The following TAOK1 variants were observed in gnomAD, a reference collection of about 807,000 sequenced individuals.
TAOK1 encodes the protein serine/threonine-protein kinase TAO1.
A neutral mutation model predicts 138.3 loss-of-function variants in TAOK1; 21 were observed. The observed-to-expected ratio is 0.15, with a 90% CI of 0.11 to 0.22. The LOEUF (loss-of-function observed/expected upper bound fraction) is 0.22. Among genes scored for constraint, TAOK1 ranks in the 10% least tolerant of loss-of-function variants. The pLI is 1.00. For synonymous variants in TAOK1, 361 were observed against 398.4 expected, an observed-to-expected ratio of 0.91 and a Z score of 1.12; for missense variants, 651 against 1,227.7, an observed-to-expected ratio of 0.53 and a Z score of 7.02.
intron 16 of TAOK1, among the ~76,000 whole-genome samples, chr17:29,519,953 G>A (rs2031886020): frequency 6.6e-6 from 1 of 151,954 alleles, no homozygotes; most frequent in Non-Finnish European, 1.5e-5. Flanking sequence ...GCTCTCACCT[G>A]TAATCCTTGA....
intron 1 of TAOK1, among the ~76,000 whole-genome samples, chr17:29,416,456 A>T (rs1905267157): frequency 2.0e-5 from 3 of 152,038 alleles, no homozygotes; most frequent in African/African-American, 4.8e-5. Context: ...AGACTTCTCA[A>T]AGAGAAGTCT....
chr17:29,534,086 C>A, intron 18 of TAOK1, 32 bp from the exon 19 acceptor site: 1 of 1,454,982 alleles, frequency 6.9e-7, no homozygotes, highest in Non-Finnish European at 9.3e-7. Context: ...TAGGATATAT[C>A]TTTTTTTTTT....
chr17:29,445,132 T>C (rs2030043892), intron 1 of TAOK1, among the ~76,000 whole-genome samples: 1 of 152,234 alleles, frequency 6.6e-6, no homozygotes, highest in Non-Finnish European at 1.5e-5. Flanking sequence ...CTTTTAATTT[T>C]TGTGGGTACA....
chr17:29,409,333 A>ATATTTTTT (rs1348702470), intron 1 of TAOK1, among the ~76,000 whole-genome samples: 3 of 59,056 alleles, frequency 5.1e-5, no homozygotes, highest in African/African-American at 2.0e-4. Context: ...ATATATATAT[A>ATATTTTTT]TTTTTTTTTT....
intron 19 of TAOK1, among the ~76,000 whole-genome samples, chr17:29,536,556 C>T (rs1394062122): frequency 4.0e-5 from 6 of 150,570 alleles, no homozygotes; most frequent in South Asian, 2.1e-4. Flanking sequence ...TCCAAGATCA[C>T]GCCACTGCAC....
At chr17:29,394,150 G>GTTTTGTT (rs1904514488) in intron 1 of TAOK1, among the ~76,000 whole-genome samples, 20 of 48,250 alleles carry the variant, frequency 4.1e-4, no homozygotes, top group Non-Finnish European at 5.8e-4. Flanking sequence ...TAATTTGCCA[G>GTTTTGTT]TTTTTTTTTT....
At chr17:29,518,847 A>G (rs1303116544) in intron 16 of TAOK1, among the ~76,000 whole-genome samples, 1 of 151,740 alleles carries the variant, frequency 6.6e-6, no homozygotes, top group Non-Finnish European at 1.5e-5. Flanking sequence ...GCTCATTGCA[A>G]CCTCCGCCTC....
chr17:29,451,724 T>A (rs1407034025), intron 2 of TAOK1, 44 bp downstream of exon 2: 1 of 1,594,518 alleles, frequency 6.3e-7, no homozygotes, highest in Non-Finnish European at 8.5e-7. Flanking sequence ...ATTTACTTAA[T>A]GTCCACTCCT....
At chr17:29,435,663 C>T (rs1383484902) in intron 1 of TAOK1, among the ~76,000 whole-genome samples, 1 of 152,176 alleles carries the variant, frequency 6.6e-6, no homozygotes, top group Non-Finnish European at 1.5e-5. Flanking sequence ...GTCACTTTCT[C>T]CATGGGGCTT....
At chr17:29,521,647 A>C (rs2031918580) in intron 16 of TAOK1, among the ~76,000 whole-genome samples, 1 of 152,058 alleles carries the variant, frequency 6.6e-6, no homozygotes, top group South Asian at 2.1e-4. Flanking sequence ...CAGCGGCTTG[A>C]TCTCAGCTCC....
Position 29,547,976 on chromosome 17 carries a change from T to C in TAOK1, c.*4954T>C, listed in dbSNP as rs749864669. 1 of 152,150 alleles carries C rather than the reference T, an allele frequency of 6.6e-6. No homozygotes were observed. Among genetic ancestry groups the C allele is most frequent in the Admixed American group, 6.6e-5 (1 of 15,260 alleles). 9.4% of individuals were successfully genotyped at this position (152,150 alleles called of 1,614,324 possible). On this transcript the variant is annotated 3_prime_UTR_variant, in exon 20 of 20. Transcript: ENST00000261716. ...ATGAAATCACTACAATAGGTCTGCA[T>C]TGGAAATGACTATTAATTTGTAAAG...
At chr17:29,530,962 A>ATTTTTTTTTTCTT (rs2032090859) in intron 18 of TAOK1, among the ~76,000 whole-genome samples, 1 of 96,192 alleles carries the variant, frequency 1.0e-5, no homozygotes, top group African/African-American at 4.4e-5. Context: ...ACAAGTACAA[A>ATTTTTTTTTTCTT]TTTTTTTTTT....
At chr17:29,509,749 A>G (rs1598514397) in intron 14 of TAOK1, among the ~76,000 whole-genome samples, 1 of 151,594 alleles carries the variant, frequency 6.6e-6, no homozygotes, top group South Asian at 2.1e-4. Flanking sequence ...AAAATAAATT[A>G]GCTGAGCAGG....
intron 10 of TAOK1, among the ~76,000 whole-genome samples, chr17:29,494,491 G>T (rs879750384): frequency 6.6e-6 from 1 of 151,948 alleles, no homozygotes. Context: ...GCATAAAAAA[G>T]AAATAAATTT....
intron 8 of TAOK1, among the ~76,000 whole-genome samples, chr17:29,488,098 C>G (rs1026446930): frequency 8.5e-5 from 13 of 152,204 alleles, no homozygotes; most frequent in Non-Finnish European, 1.9e-4. Context: ...TCAGAATCTT[C>G]AGAGGATTGG....
At position 29,480,021 on chromosome 17, in the gene TAOK1, A is replaced by G. The variant is rs116957141; in HGVS notation, c.450-347A>G. 2.0e-3 allele frequency: 319 copies of G among 156,736 alleles called. 6 individuals carry two copies. In the East Asian group the frequency reaches 0.052, roughly 26 times the overall value. The allele number at this position is 156,736 out of a possible 1,614,324, so 9.7% of individuals were successfully genotyped here. On this transcript the variant is annotated intron_variant, in intron 6 of 19. Coordinates refer to ENST00000261716, the MANE Select transcript of TAOK1 (RefSeq NM_020791.4). ...TTAAGTATGGATACTCAGAAATCTT[A>G]CGTATGATGAAGAGATTGTTTGCTA...
rs1031200827 is a variant in TAOK1 at position 29,542,946 on chromosome 17, G to A, written c.2930G>A (p.Arg977Gln). ...CTGAGGCGGACAGCTTCTGGGGGAC[G>A]GACGGAGCAGGGCATGAGCAGAAGC... ...QALRRTASGG[R>Q]TEQGMSRSTS... Residue 977 changes from arginine to glutamine, a missense_variant, in exon 20 of 20, where the codon CGG becomes CAG. Physicochemically the swap from Arg to Gln is conservative, Grantham distance 43. This residue lies in a region of TAOK1 where 108 missense variants were observed against 120.3 expected (regional missense o/e 0.90). Transcript: ENST00000261716. The A allele has an allele frequency of 5.0e-6, 8 of 1,613,412 alleles. No individual in the cohort carries two copies. Among genetic ancestry groups the A allele is most frequent in the East Asian group, 2.2e-5 (1 of 44,876 alleles).
rs538536089 is a variant in TAOK1 at position 29,546,438 on chromosome 17, G to C, written c.*3416G>C. 1.3e-5 allele frequency: 2 copies of C among 152,134 alleles called. No individual in the cohort carries two copies. Among genetic ancestry groups the C allele is most frequent in the African/African-American group, 4.8e-5 (2 of 41,536 alleles). 9.4% of individuals were successfully genotyped at this position (152,134 alleles called of 1,614,324 possible). On this transcript the variant is annotated 3_prime_UTR_variant, in exon 20 of 20. Transcript: ENST00000261716. ...AGTGTCTTTTTGAGACCATAAAGCA[G>C]ACTTTAGTAACTTTCTATTTCTGTA...
At chr17:29,420,111 C>G (rs1294408000) in intron 1 of TAOK1, among the ~76,000 whole-genome samples, 1 of 151,738 alleles carries the variant, frequency 6.6e-6, no homozygotes, top group African/African-American at 2.4e-5. Context: ...GTGGTGTGAC[C>G]TCAGCTTACT....
Sources: gnomAD v4.1 joint callset for allele counts (sites outside exome capture counted in the v4.1 genomes callset) on GRCh38, gnomAD v4.1.1 for gene constraint, gnomAD v4.1.1 regional missense constraint, MANE v1.5 for transcripts, NCBI Gene and HGNC (gene_info 2026-07-23, HGNC 2026-07-21) for gene names.